GPR39: variants seen among roughly 807,000 people sequenced by gnomAD.
GPR39 encodes the protein zinc sensing receptor.
In GPR39, 23 loss-of-function variants were observed where a neutral mutation model predicts 18.4. The observed-to-expected ratio is 1.25, with a 90% CI of 0.90 to 1.77. The LOEUF (loss-of-function observed/expected upper bound fraction) is 1.77, where lower values mean the gene tolerates loss of function less well. Ranked by LOEUF, GPR39 falls within the 40% of genes most tolerant of loss-of-function variation. The probability of loss-of-function intolerance (pLI) is 0.00; values close to 1 mark genes in which losing one functional copy is unlikely to be tolerated. For synonymous variants in GPR39, 280 were observed against 257.9 expected (o/e 1.09, Z -0.82); for missense variants, 647 against 602.4 (o/e 1.07, Z -0.78).
At chr2:132,559,776 CAT>C (rs368090835) in intron 1 of GPR39, among the ~76,000 whole-genome samples, 76 of 152,196 alleles carry the variant, frequency 5.0e-4, no homozygotes, top group Middle Eastern at 3.4e-3. Flanking sequence ...CCAAGGGTAA[CAT>C]GTGTTCCAAT....
intron 1 of GPR39, among the ~76,000 whole-genome samples, chr2:132,570,742 T>C (rs1367031868): frequency 6.6e-6 from 1 of 152,032 alleles, no homozygotes; most frequent in Non-Finnish European, 1.5e-5. Context: ...GAATCTGCCC[T>C]CCCCAGGGGC....
chr2:132,458,568 A>G (rs943037863), intron 1 of GPR39, among the ~76,000 whole-genome samples: 3 of 151,730 alleles, frequency 2.0e-5, no homozygotes, highest in African/African-American at 4.8e-5. Context: ...CTCCATGGCA[A>G]TAGTTCTCTG....
At chr2:132,496,554 A>G (rs1234198634) in intron 1 of GPR39, among the ~76,000 whole-genome samples, 2 of 151,162 alleles carry the variant, frequency 1.3e-5, no homozygotes, top group African/African-American at 4.9e-5. Flanking sequence ...TGTAGATGTC[A>G]TCTGGAGAAG....
intron 1 of GPR39, among the ~76,000 whole-genome samples, chr2:132,577,577 G>GT (rs1680551576): frequency 1.3e-5 from 2 of 152,218 alleles, no homozygotes; most frequent in Admixed American, 6.5e-5. Flanking sequence ...GCGTTGTATA[G>GT]TTTTTAGTGT....
chr2:132,582,639 C>G (rs1324849366), intron 1 of GPR39, among the ~76,000 whole-genome samples: 1 of 152,132 alleles, frequency 6.6e-6, no homozygotes, highest in Non-Finnish European at 1.5e-5. Context: ...GTCAAGGTGC[C>G]TGAGCAGCCT....
At chr2:132,550,377 G>A (rs538885582) in intron 1 of GPR39, among the ~76,000 whole-genome samples, 14 of 152,344 alleles carry the variant, frequency 9.2e-5, no homozygotes, top group Non-Finnish European at 1.5e-4. Flanking sequence ...GGAACAGCGC[G>A]ATACAACGGA....
chr2:132,545,687 A>C (rs34951536), intron 1 of GPR39, among the ~76,000 whole-genome samples: 1,460 of 114,630 alleles, frequency 0.013, 8 homozygotes, highest in Non-Finnish European at 0.019. Flanking sequence ...TGTGTGTGTT[A>C]AAGCACCTGA....
chr2:132,502,577 A>G (rs1679063963), intron 1 of GPR39, among the ~76,000 whole-genome samples: 1 of 152,104 alleles, frequency 6.6e-6, no homozygotes. Context: ...TGAATTTCCC[A>G]AGTGTTCTTT....
At chr2:132,472,232 C>G (rs1029319343) in intron 1 of GPR39, among the ~76,000 whole-genome samples, 3 of 152,170 alleles carry the variant, frequency 2.0e-5, no homozygotes, top group African/African-American at 7.2e-5. Flanking sequence ...AGAACTTTAT[C>G]TGGAGTAGAT....
chr2:132,509,840 C>T (rs1012303352), intron 1 of GPR39, among the ~76,000 whole-genome samples: 6 of 152,124 alleles, frequency 3.9e-5, no homozygotes, highest in African/African-American at 1.4e-4. Flanking sequence ...CTTGACTCAC[C>T]TGTCTGCAAG....
At chr2:132,609,035 G>A (rs1681192292) in intron 1 of GPR39, among the ~76,000 whole-genome samples, 1 of 152,218 alleles carries the variant, frequency 6.6e-6, no homozygotes, top group Admixed American at 6.5e-5. Flanking sequence ...TCAGAGAGCA[G>A]TGAGAGAGGA....
intron 1 of GPR39, chr2:132,604,929 A>G (rs959734563): frequency 1.3e-5 from 2 of 152,246 alleles, no homozygotes; most frequent in African/African-American, 4.8e-5. Flanking sequence ...GAAACTACAT[A>G]ACAATAACAA....
rs767809161 is a variant in GPR39 at position 132,645,508 on chromosome 2, A to G, written c.1264A>G (p.Lys422Glu). The change falls in exon 2 of 2, where the codon AAG (lysine) becomes GAG (glutamate). Residue 422 changes from lysine (K) to glutamate (E), a missense_variant. By Grantham distance (56) the Lys-to-Glu change is moderately conservative. This residue lies in a region of GPR39 where 581 missense variants were observed against 506.8 expected (regional missense o/e 1.15). Coordinates refer to ENST00000329321, the MANE Select transcript of GPR39 (RefSeq NM_001508.3). ...TCAGAGCGAGGCCGAGCCCCAGTCT[A>G]AGTCCCAGTCATTGAGTCTCGAGTC... Reference protein sequence around the residue: ...TFQSEAEPQSKSQSLSLESLE... With the variant: ...TFQSEAEPQSESQSLSLESLE... 2 of 1,607,036 alleles carry G rather than the reference A, an allele frequency of 1.2e-6. No individual in the cohort carries two copies. Among genetic ancestry groups the G allele is most frequent in the Non-Finnish European group, 1.7e-6 (2 of 1,179,812 alleles).
chr2:132,600,478 A>G (rs1044652713), intron 1 of GPR39, among the ~76,000 whole-genome samples: 34 of 152,204 alleles, frequency 2.2e-4, no homozygotes, highest in African/African-American at 8.0e-4. Context: ...TTGACAAAAC[A>G]TTAGCTAGAC....
chr2:132,578,784 A>G (rs758471295), intron 1 of GPR39, among the ~76,000 whole-genome samples: 8 of 151,892 alleles, frequency 5.3e-5, no homozygotes, highest in Non-Finnish European at 1.2e-4. Context: ...TATTGTGTAG[A>G]TTTGTTTATA....
intron 1 of GPR39, among the ~76,000 whole-genome samples, chr2:132,463,130 A>G (rs920632110): frequency 6.6e-6 from 1 of 152,236 alleles, no homozygotes; most frequent in Non-Finnish European, 1.5e-5. Flanking sequence ...GAAACTGACA[A>G]GCACCTTAGG....
chr2:132,553,162 C>T (rs1250943044), intron 1 of GPR39, among the ~76,000 whole-genome samples: 1 of 151,360 alleles, frequency 6.6e-6, no homozygotes, highest in African/African-American at 2.4e-5. Context: ...CTGACCTCAA[C>T]TATGCCTCCC....
rs148717849 is a variant in GPR39 at position 132,603,270 on chromosome 2, C to T, written c.857-41831C>T. On this transcript the variant is annotated intron_variant, in intron 1 of 1. Transcript: ENST00000329321. The stretch of plus-strand genomic sequence containing the variant: ...AACTGGAAGAAGTTAAGTGAAATAT[C>T]GGGCACAGAAAACCAAGTACCACAT... Among the ~76,000 whole-genome samples the T allele has an allele frequency of 3.2e-4, 48 of 152,234 alleles. No homozygotes were observed. In the Middle Eastern group the frequency reaches 0.014, roughly 43 times the overall value.
chr2:132,463,627 T>C (rs181561251), intron 1 of GPR39, among the ~76,000 whole-genome samples: 16 of 152,270 alleles, frequency 1.1e-4, no homozygotes, highest in African/African-American at 3.6e-4. Flanking sequence ...TTAAACTCAG[T>C]TTATAAAATA....
Sources: gnomAD v4.1 joint callset for allele counts (sites outside exome capture counted in the v4.1 genomes callset) on GRCh38, gnomAD v4.1.1 for gene constraint, gnomAD v4.1.1 regional missense constraint, MANE v1.5 for transcripts, NCBI Gene and HGNC (gene_info 2026-07-23, HGNC 2026-07-21) for gene names.